Variants in MUSK observed in about 807,000 individuals in gnomAD.
MUSK encodes muscle, skeletal receptor tyrosine-protein kinase.
MUSK carries 55 observed loss-of-function variants against 88.7 expected under a neutral mutation model. The observed-to-expected ratio is 0.62, with a 90% confidence interval of 0.50 to 0.78. The LOEUF is 0.78. MUSK is among the 30% of genes least tolerant of loss of function. The probability of loss-of-function intolerance (pLI) is 0.00; values close to 1 mark genes in which losing one functional copy is unlikely to be tolerated. For synonymous variants in MUSK, 387 were observed against 391.9 expected, an observed-to-expected ratio of 0.99 and a Z score of 0.15; for missense variants, 1,015 against 1,074.3, an observed-to-expected ratio of 0.94 and a Z score of 0.77.
intron 7 of MUSK, among the ~76,000 whole-genome samples, chr9:110,749,178 T>C (rs1434271473): frequency 6.6e-6 from 1 of 151,862 alleles, no homozygotes; most frequent in East Asian, 1.9e-4. Flanking sequence ...TTGGGTAGAG[T>C]AAGAGATGAA....
chr9:110,741,085 A>C (rs1045638934), intron 6 of MUSK, among the ~76,000 whole-genome samples: 1 of 152,136 alleles, frequency 6.6e-6, no homozygotes, highest in East Asian at 1.9e-4. Context: ...TACAGCTAAC[A>C]ACACTGTATT....
At position 110,803,635 on chromosome 9, in the gene MUSK, G is replaced by C. The variant is rs1207894411; in HGVS notation, c.*2647G>C. Reference sequence around the variant, plus strand: ...ACTTCCTAAGTCTTTTTAATGAATAGCAAAAAAAGTATATTTCAGCATTAT... The same window carrying C: ...ACTTCCTAAGTCTTTTTAATGAATACCAAAAAAAGTATATTTCAGCATTAT... On this transcript the variant is annotated 3_prime_UTR_variant, in exon 15 of 15. Coordinates refer to ENST00000374448, the MANE Select transcript of MUSK (RefSeq NM_005592.4). Among the ~76,000 whole-genome samples the C allele has an allele frequency of 6.6e-6, 1 of 151,964 alleles. No individual in the cohort carries two copies. Among genetic ancestry groups the C allele is most frequent in the South Asian group, 2.1e-4 (1 of 4,826 alleles).
At chr9:110,788,547 G>A (rs893095509) in intron 14 of MUSK, among the ~76,000 whole-genome samples, 5 of 151,710 alleles carry the variant, frequency 3.3e-5, no homozygotes, top group African/African-American at 1.2e-4. Flanking sequence ...CATGAGAATC[G>A]CTTACACCGG....
intron 14 of MUSK, among the ~76,000 whole-genome samples, chr9:110,790,388 A>C (rs1394882573): frequency 6.6e-6 from 1 of 152,230 alleles, no homozygotes; most frequent in Non-Finnish European, 1.5e-5. Flanking sequence ...AAGGGGGCAG[A>C]AAGAAGCATG....
At chr9:110,785,757 T>C (rs1198405470) in intron 13 of MUSK, 39 bp downstream of exon 13, 2 of 1,516,322 alleles carry the variant, frequency 1.3e-6, no homozygotes, top group African/African-American at 2.8e-5. Context: ...CATTGAAATA[T>C]GTTATGTCTG....
intron 3 of MUSK, among the ~76,000 whole-genome samples, chr9:110,691,330 C>T (rs2076353631): frequency 6.6e-6 from 1 of 152,118 alleles, no homozygotes; most frequent in Admixed American, 6.6e-5. Context: ...TGATTTGCCT[C>T]CAAGTAGAGT....
intron 5 of MUSK, among the ~76,000 whole-genome samples, chr9:110,726,578 T>A (rs2076887129): frequency 6.6e-6 from 1 of 151,950 alleles, no homozygotes; most frequent in African/African-American, 2.4e-5. Flanking sequence ...AATTTACTAA[T>A]GGAAAAAGTT....
intron 1 of MUSK, among the ~76,000 whole-genome samples, chr9:110,680,371 CTTTCT>C (rs1451589980): frequency 2.9e-4 from 35 of 122,020 alleles, no homozygotes; most frequent in African/African-American, 1.2e-3. Context: ...GTATGAATTT[CTTTCT>C]TTTTTTCTTT....
intron 5 of MUSK, among the ~76,000 whole-genome samples, chr9:110,730,507 C>A (rs1434064910): frequency 1.3e-5 from 2 of 151,872 alleles, no homozygotes; most frequent in Non-Finnish European, 2.9e-5. Context: ...TAATAAGAAA[C>A]ATGTCATATA....
In MUSK at chr9:110,801,761, A is replaced by C. The variant is rs2078100835; in HGVS notation, c.*773A>C. On this transcript the variant is annotated 3_prime_UTR_variant, in exon 15 of 15. Transcript: ENST00000374448. Reference sequence around the variant, plus strand: ...TACTGATTTACCTTTTCCTTTAAAAATTGTATTGGTATCTTTTCCATTGCT... The same window carrying C: ...TACTGATTTACCTTTTCCTTTAAAACTTGTATTGGTATCTTTTCCATTGCT... The C allele has an allele frequency of 6.6e-6, 1 of 152,108 alleles. No homozygotes were observed. Among genetic ancestry groups the C allele is most frequent in the Non-Finnish European group, 1.5e-5 (1 of 68,018 alleles). 9.4% of individuals were successfully genotyped at this position (152,108 alleles called of 1,614,324 possible).
In MUSK at chr9:110,800,381, G is replaced by A. The variant is rs777865246; in HGVS notation, c.2003G>A (p.Arg668His). The A allele has an allele frequency of 1.1e-5, 17 of 1,613,654 alleles. No homozygotes were observed. The highest frequency in any genetic ancestry group is 3.3e-5 in the South Asian group (3 of 91,054). Residue 668 changes from arginine to histidine, a missense_variant, in exon 15 of 15, where the codon CGC (arginine) becomes CAC (histidine). Physicochemically the swap from Arg to His is conservative, Grantham distance 29. Coordinates refer to ENST00000374448, the MANE Select transcript of MUSK (RefSeq NM_005592.4). ...MAYGDLNEFL[R>H]SMSPHTVCSL... ...TATGGTGACCTCAATGAGTTCCTCCGCAGCATGTCCCCTCACACCGTGTGC... is the reference window on the plus strand; with the variant it reads ...TATGGTGACCTCAATGAGTTCCTCCACAGCATGTCCCCTCACACCGTGTGC...
chr9:110,737,993 C>T (rs149485583), intron 6 of MUSK, among the ~76,000 whole-genome samples: 2 of 152,206 alleles, frequency 1.3e-5, no homozygotes, highest in East Asian at 3.9e-4. Context: ...CAGAGTTCTT[C>T]AATTACTTTG....
In MUSK at chr9:110,767,900, T is replaced by A; in HGVS notation, c.1001T>A (p.Leu334His). ...AATGCAGTCCTGGCAAAAGATGCTCTTGTTTTTCTCAACACCTCCTATGCG... is the reference window on the plus strand; with the variant it reads ...AATGCAGTCCTGGCAAAAGATGCTCATGTTTTTCTCAACACCTCCTATGCG... Reference protein sequence around the residue: ...VCNAVLAKDALVFLNTSYADP... With the variant: ...VCNAVLAKDAHVFLNTSYADP... Residue 334 changes from leucine to histidine, a missense_variant, in exon 9 of 15, where the codon CTT (leucine) becomes CAT (histidine). Physicochemically the swap from Leu to His is moderately conservative, Grantham distance 99. Coordinates refer to ENST00000374448, the MANE Select transcript of MUSK (RefSeq NM_005592.4). 6.2e-7 allele frequency: 1 copy of A among 1,614,016 alleles called. No individual in the cohort carries two copies. The highest frequency in any genetic ancestry group is 1.1e-5 in the South Asian group (1 of 91,082).
chr9:110,703,889 T>C (rs1375666723), intron 5 of MUSK, among the ~76,000 whole-genome samples: 2 of 152,090 alleles, frequency 1.3e-5, no homozygotes, highest in Admixed American at 1.3e-4. Context: ...GCATACCAAG[T>C]CCCAATCGGT....
chr9:110,778,290 A>G, intron 11 of MUSK, among the ~76,000 whole-genome samples: 1 of 152,056 alleles, frequency 6.6e-6, no homozygotes, highest in South Asian at 2.1e-4. Context: ...TATTTACATT[A>G]TTTGTAAGCA....
Position 110,804,584 on chromosome 9 carries a change from T to C in MUSK, c.*3596T>C, listed in dbSNP as rs1051804441. Among the ~76,000 whole-genome samples, 2 of 152,074 alleles carry C rather than the reference T, an allele frequency of 1.3e-5. No homozygotes were observed. Among genetic ancestry groups the C allele is most frequent in the African/African-American group, 4.8e-5 (2 of 41,452 alleles). On this transcript the variant is annotated 3_prime_UTR_variant, in exon 15 of 15. Transcript: ENST00000374448. The stretch of plus-strand genomic sequence containing the variant: ...CAGCCCATTTTTCTGCTGTGTTCAT[T>C]TTCTAATCGAATTATGGGATTTATC...
At chr9:110,705,976 G>T (rs1037881876) in intron 5 of MUSK, 12 of 403,226 alleles carry the variant, frequency 3.0e-5, no homozygotes, top group Non-Finnish European at 4.6e-5. Context: ...GGCATATCTG[G>T]GTTACATCTC....
chr9:110,757,621 C>T (rs943931297), intron 7 of MUSK, among the ~76,000 whole-genome samples: 2 of 150,728 alleles, frequency 1.3e-5, no homozygotes, highest in African/African-American at 4.9e-5. Context: ...TCATTTTGAA[C>T]ACTTGCATTA....
chr9:110,734,143 G>A, intron 5 of MUSK, 108 bp from the exon 6 acceptor site: 1 of 1,279,410 alleles, frequency 7.8e-7, no homozygotes, highest in Non-Finnish European at 1.1e-6. Flanking sequence ...AGCAAACACT[G>A]AAGAACTGCA....
Sources: allele counts gnomAD v4.1 joint callset (sites outside exome capture counted in the v4.1 genomes callset), GRCh38; gene constraint gnomAD v4.1.1; transcripts MANE v1.5; gene names NCBI Gene and HGNC (gene_info 2026-07-23, HGNC 2026-07-21).